The following SARDH variants were observed in gnomAD, a reference collection of about 807,000 sequenced individuals.
SARDH encodes the protein sarcosine dehydrogenase, also known as sarcosine dehydrogenase, mitochondrial.
Under a neutral mutation model 109.1 loss-of-function variants are expected in SARDH, and 95 were observed. The observed-to-expected ratio is 0.87, with a 90% CI of 0.74 to 1.03. The LOEUF is 1.03. SARDH is among the 50% of genes least tolerant of loss of function. SARDH has a pLI of 0.00. For missense variants in SARDH, 1,267 were observed against 1,287.8 expected (o/e 0.98, Z 0.25); for synonymous variants, 572 against 534.8 (o/e 1.07, Z -0.96).
intron 1 of SARDH, among the ~76,000 whole-genome samples, 157 bp from the exon 2 acceptor site, chr9:133,734,360 T>C (rs936684276): frequency 3.2e-4 from 48 of 150,824 alleles, no homozygotes; most frequent in South Asian, 2.1e-4. Context: ...CATTCATTCA[T>C]TCACTCATTC....
At chr9:133,708,791 C>G (rs924450691) in intron 10 of SARDH, among the ~76,000 whole-genome samples, 3 of 152,128 alleles carry the variant, frequency 2.0e-5, no homozygotes, top group Non-Finnish European at 4.4e-5. Flanking sequence ...GGGGAGGGAG[C>G]GGCCCCTGGG....
At chr9:133,732,284 T>C (rs1410418950) in intron 3 of SARDH, 139 bp downstream of exon 3, 2 of 311,546 alleles carry the variant, frequency 6.4e-6, no homozygotes, top group Non-Finnish European at 1.0e-5. Flanking sequence ...CACACGGACA[T>C]GAACCCCCAG....
chr9:133,726,094 C>G (rs75206852), intron 6 of SARDH, among the ~76,000 whole-genome samples: 2 of 152,084 alleles, frequency 1.3e-5, no homozygotes. Flanking sequence ...ATAATCACAG[C>G]CGGGCAAGGT....
At position 133,692,874 on chromosome 9, in the gene SARDH, G is replaced by A. The variant is rs941942520; in HGVS notation, c.1921+1384C>T. On this transcript the variant is annotated intron_variant, in intron 15 of 20. Transcript: ENST00000439388. The surrounding 1 kb of genome is among the most constrained non-coding windows in gnomAD (Gnocchi z 5.0). ...CGTCGCCAACGGCAGGAGGGAAGGG[G>A]TGGGCGAGCTCTGCGCACCCCATAG... Among the ~76,000 whole-genome samples, 2 of 152,170 alleles carry A rather than the reference G, an allele frequency of 1.3e-5. No individual in the cohort carries two copies. Among genetic ancestry groups the A allele is most frequent in the African/African-American group, 4.8e-5 (2 of 41,438 alleles).
Position 133,663,685 on chromosome 9 carries a change from G to A in SARDH, c.*204C>T. ...TTTCTGGGAGGATTGGGGTGGATTA[G>A]AGACTGCCTTCCAGTCAGTGACCAC... On this transcript the variant is annotated 3_prime_UTR_variant, in exon 21 of 21. Coordinates refer to ENST00000439388, the MANE Select transcript of SARDH (RefSeq NM_001134707.2). 1.5e-6 allele frequency: 1 copy of A among 674,740 alleles called. No homozygotes were observed. The highest frequency in any genetic ancestry group is 2.5e-6 in the Non-Finnish European group (1 of 393,562). The allele number at this position is 674,740 out of a possible 1,614,324, so 41.8% of individuals were successfully genotyped here.
At position 133,718,875 on chromosome 9, in the gene SARDH, C is replaced by G; in HGVS notation, c.1020+63G>C. On this transcript the variant is annotated intron_variant, in intron 7 of 20. Coordinates refer to ENST00000439388, the MANE Select transcript of SARDH (RefSeq NM_001134707.2). This position sits in a 1 kb window ranked among gnomAD's most constrained non-coding sequence, Gnocchi z 4.2. ...AGGAGGATGGACTTCCTGAAAGAGG[C>G]CCTCTCCATGCTGAGATGCAGCCCC... 7.9e-7 allele frequency: 1 copy of G among 1,269,936 alleles called. No individual in the cohort carries two copies. The highest frequency in any genetic ancestry group is 1.2e-6 in the Non-Finnish European group (1 of 867,738). 78.7% of individuals were successfully genotyped at this position (1,269,936 alleles called of 1,614,324 possible).
chr9:133,675,465 C>T (rs1455820351), intron 17 of SARDH, among the ~76,000 whole-genome samples: 2 of 152,290 alleles, frequency 1.3e-5, no homozygotes, highest in South Asian at 2.1e-4. Flanking sequence ...GGCACGCAAA[C>T]CCAAGTCACA....
At position 133,694,310 on chromosome 9, in the gene SARDH, G is replaced by C. The variant is rs980297120; in HGVS notation, c.1869C>G (p.Val623=). 8.4e-6 allele frequency: 13 copies of C among 1,550,594 alleles called. No homozygotes were observed. In the Admixed American group the frequency reaches 2.6e-4, roughly 30 times the overall value. Residue 623 remains valine, a synonymous_variant, in exon 15 of 21, where the codon GTC becomes GTG. Coordinates refer to ENST00000439388, the MANE Select transcript of SARDH (RefSeq NM_001134707.2). ...CCTGGTGGCTGGGTGCCAGGCGGCT[G>C]ACAGTCAGGTCACTCTCGGTGCCCC... is the stretch of plus-strand genomic sequence containing the variant. ...HRGGTESDLT[V]SRLAPSHQAS...
rs558656991 is a variant in SARDH, at chr9:133,666,830, C to G, written c.2536G>C (p.Gly846Arg). ...CTCCGGACATGGCCCACCACTTGGC[C>G]GTTCCTCCAGATGGCCTCCAGGCCA... ...MFGLEAIWRNGQVVGHVRRAD... is the reference protein window; with the variant it reads ...MFGLEAIWRNRQVVGHVRRAD... Residue 846 changes from glycine to arginine, a missense_variant, in exon 20 of 21, where the codon GGC (glycine) becomes CGC (arginine). Physicochemically the swap from Gly to Arg is moderately radical, Grantham distance 125. Transcript: ENST00000439388. This position sits in a 1 kb window ranked among gnomAD's most constrained non-coding sequence, Gnocchi z 5.2. 6.2e-7 allele frequency: 1 copy of G among 1,610,902 alleles called. No individual in the cohort carries two copies. The highest frequency in any genetic ancestry group is 1.1e-5 in the South Asian group (1 of 90,336).
chr9:133,710,799 C>T (rs1831890370), intron 10 of SARDH, among the ~76,000 whole-genome samples: 1 of 152,252 alleles, frequency 6.6e-6, no homozygotes, highest in African/African-American at 2.4e-5. Context: ...GGCGGCCGTC[C>T]ACTCTGGCAC....
intron 15 of SARDH, among the ~76,000 whole-genome samples, chr9:133,691,252 C>G (rs537069890): frequency 6.6e-6 from 1 of 152,092 alleles, no homozygotes; most frequent in Non-Finnish European, 1.5e-5. Context: ...AGTGGCCCCC[C>G]CAGTCTGCAG....
chr9:133,686,744 G>A lies in SARDH; in HGVS notation c.2070-1458C>T, dbSNP rs1253918772. On this transcript the variant is annotated intron_variant, in intron 16 of 20. Transcript: ENST00000439388. The surrounding 1 kb of genome is among the most constrained non-coding windows in gnomAD (Gnocchi z 4.0). ...GGGTGGGCTGTCCAGAAGTACTGCT[G>A]ACCCTAATCCCAATCGTCACAGTGC... is the stretch of plus-strand genomic sequence containing the variant. Among the ~76,000 whole-genome samples, 1 of 152,168 alleles carries A rather than the reference G, an allele frequency of 6.6e-6. No individual in the cohort carries two copies. The highest frequency in any genetic ancestry group is 2.4e-5 in the African/African-American group (1 of 41,434).
intron 1 of SARDH, among the ~76,000 whole-genome samples, chr9:133,737,287 G>A (rs1296274872): frequency 6.6e-6 from 1 of 152,238 alleles, no homozygotes; most frequent in East Asian, 1.9e-4. Context: ...AGGGAGCAGG[G>A]AGTCTGATTG....
chr9:133,669,451 G>A (rs769119356), intron 19 of SARDH, among the ~76,000 whole-genome samples: 10 of 150,424 alleles, frequency 6.6e-5, no homozygotes, highest in East Asian at 2.0e-4. Flanking sequence ...GCCCAAAGCC[G>A]CCCACTTCCC....
intron 17 of SARDH, among the ~76,000 whole-genome samples, chr9:133,674,945 T>C (rs1830466158): frequency 6.6e-6 from 1 of 152,178 alleles, no homozygotes; most frequent in African/African-American, 2.4e-5. Flanking sequence ...ACCCACGGGA[T>C]GGGAGAGAAC....
In SARDH at chr9:133,692,054, A is replaced by AG. The variant is rs1177001210; in HGVS notation, c.1922-1528dup. On this transcript the variant is annotated intron_variant, in intron 15 of 20. Transcript: ENST00000439388. This position sits in a 1 kb window ranked among gnomAD's most constrained non-coding sequence, Gnocchi z 5.0. ...ACTTTCCTGACAGCTTCCCCTTATG[A>AG]GGGGGGACGAGCAAGGTCCTCATTC... Among the ~76,000 whole-genome samples the AG allele has an allele frequency of 2.0e-5, 3 of 152,086 alleles. No homozygotes were observed. Among genetic ancestry groups the AG allele is most frequent in the African/African-American group, 4.8e-5 (2 of 41,402 alleles).
intron 15 of SARDH, among the ~76,000 whole-genome samples, chr9:133,694,009 C>A (rs562876961): frequency 3.9e-5 from 6 of 152,224 alleles, no homozygotes; most frequent in African/African-American, 1.4e-4. Flanking sequence ...CACTCCGAAC[C>A]GCAACAGCGT....
chr9:133,667,291 G>A (rs150660500), intron 19 of SARDH, among the ~76,000 whole-genome samples: 2,658 of 147,890 alleles, frequency 0.018, 37 homozygotes, highest in South Asian at 0.038. Flanking sequence ...CTCAGCCTCC[G>A]GAGTAGCTGG....
chr9:133,671,650 C>G lies in SARDH; in HGVS notation c.2211G>C (p.Leu737=), dbSNP rs1209087824. ...GCACGCAGGACGCCTTTGGAATGTG[C>G]AGCTCCCAGCCCAGCTCCCCCACAA... ...LSFVGELGWE[L]HIPKASCVPV... is the part of the protein sequence containing the mutation. The change falls in exon 18 of 21, where the codon CTG becomes CTC. Residue 737 remains leucine (L), a synonymous_variant. Transcript: ENST00000439388. The G allele has an allele frequency of 1.9e-6, 3 of 1,593,358 alleles. No homozygotes were observed. The highest frequency in any genetic ancestry group is 2.6e-6 in the Non-Finnish European group (3 of 1,170,482).
Sources: gnomAD v4.1 joint callset for allele counts (sites outside exome capture counted in the v4.1 genomes callset) on GRCh38, gnomAD v4.1.1 for gene constraint, Gnocchi (gnomAD v3.1) non-coding constraint, MANE v1.5 for transcripts, NCBI Gene and HGNC (gene_info 2026-07-23, HGNC 2026-07-21) for gene names.